MON2: variants seen among roughly 807,000 people sequenced by gnomAD.
MON2 encodes the protein protein MON2 homolog.
In MON2, 84 loss-of-function variants were observed where a neutral mutation model predicts 208.6. The observed-to-expected ratio is 0.40, with a 90% CI of 0.34 to 0.48. MON2 has a LOEUF of 0.48. Among genes scored for constraint, MON2 ranks in the 20% least tolerant of loss-of-function variants. The pLI is 0.59. For synonymous variants in MON2, 660 were observed against 694.0 expected, an observed-to-expected ratio of 0.95 and a Z score of 0.77; for missense variants, 1,611 against 2,015.4, an observed-to-expected ratio of 0.80 and a Z score of 3.84.
intron 1 of MON2, among the ~76,000 whole-genome samples, chr12:62,468,642 G>A (rs2068628585): frequency 6.6e-6 from 1 of 152,044 alleles, no homozygotes; most frequent in Admixed American, 6.6e-5. Flanking sequence ...TGGCTGTTAC[G>A]ATATGTTTTA....
chr12:62,479,456 G>C (rs997205695), intron 1 of MON2, among the ~76,000 whole-genome samples: 2 of 101,494 alleles, frequency 2.0e-5, no homozygotes, highest in East Asian at 4.1e-4. Context: ...AAATATTTTT[G>C]ATCTGCAGTT....
chr12:62,478,879 AG>A (rs1171623139), intron 1 of MON2, among the ~76,000 whole-genome samples: 1 of 152,158 alleles, frequency 6.6e-6, no homozygotes, highest in Non-Finnish European at 1.5e-5. Context: ...TTTGAGAAAA[AG>A]GTACAAGATA....
chr12:62,469,735 G>A (rs11832508), intron 1 of MON2, among the ~76,000 whole-genome samples: 102,322 of 151,882 alleles, frequency 0.67, 34,710 homozygotes, highest in African/African-American at 0.77. Context: ...GAAACTGGTA[G>A]GATTTTGGTT....
At chr12:62,523,718 T>G (rs966086302) in intron 8 of MON2, among the ~76,000 whole-genome samples, 1 of 152,162 alleles carries the variant, frequency 6.6e-6, no homozygotes, top group African/African-American at 2.4e-5. Flanking sequence ...TCCAATAACT[T>G]GCTGTACCTA....
chr12:62,580,224 A>G, intron 31 of MON2, 73 bp from the exon 32 acceptor site: 3 of 1,436,516 alleles, frequency 2.1e-6, no homozygotes, highest in Non-Finnish European at 2.8e-6. Flanking sequence ...GTAAAATTTA[A>G]ATTTTACTCT....
intron 8 of MON2, chr12:62,509,098 A>T (rs1248321378): frequency 1.3e-5 from 2 of 150,070 alleles, no homozygotes; most frequent in African/African-American, 4.9e-5. Flanking sequence ...ATTTTTTCAC[A>T]TTTATATTCT....
intron 12 of MON2, among the ~76,000 whole-genome samples, chr12:62,534,340 G>C (rs939095461): frequency 6.6e-6 from 1 of 150,766 alleles, no homozygotes; most frequent in Non-Finnish European, 1.5e-5. Context: ...CCAACATGGT[G>C]AAACCCTGTC....
At chr12:62,489,302 A>G (rs146005428) in intron 2 of MON2, among the ~76,000 whole-genome samples, 13 of 152,218 alleles carry the variant, frequency 8.5e-5, no homozygotes, top group African/African-American at 3.1e-4. Context: ...AATTAAATAG[A>G]CAAATGAATT....
intron 19 of MON2, among the ~76,000 whole-genome samples, chr12:62,542,560 C>A (rs2136262644): frequency 6.6e-6 from 1 of 152,262 alleles, no homozygotes; most frequent in East Asian, 1.9e-4. Context: ...TCTAATTTAG[C>A]CATGTATAAT....
At chr12:62,558,845 C>T (rs1472142650) in intron 25 of MON2, among the ~76,000 whole-genome samples, 2 of 151,886 alleles carry the variant, frequency 1.3e-5, no homozygotes, top group African/African-American at 2.4e-5. Flanking sequence ...TACAGGTGCC[C>T]ACCACCATGC....
At chr12:62,552,795 G>C in intron 23 of MON2, 86 bp from the exon 24 acceptor site, 1 of 1,005,220 alleles carries the variant, frequency 9.9e-7, no homozygotes, top group Admixed American at 2.5e-5. Context: ...GTTTTACTCT[G>C]AAAGGTAAAA....
chr12:62,556,226 A>G, intron 25 of MON2, 34 bp downstream of exon 25: 5 of 1,587,114 alleles, frequency 3.2e-6, no homozygotes, highest in Middle Eastern at 1.7e-4. Flanking sequence ...TATACAAGTA[A>G]TTAATGTTAA....
At chr12:62,497,625 C>CT (rs988936092) in intron 4 of MON2, among the ~76,000 whole-genome samples, 1 of 151,716 alleles carries the variant, frequency 6.6e-6, no homozygotes, top group Non-Finnish European at 1.5e-5. Flanking sequence ...CTTTTCTTTT[C>CT]TTTTTTTGAG....
intron 32 of MON2, among the ~76,000 whole-genome samples, chr12:62,583,999 A>G (rs561984287): frequency 6.6e-6 from 1 of 151,658 alleles, no homozygotes; most frequent in African/African-American, 2.4e-5. Flanking sequence ...AGACAGTGGA[A>G]TTCTCAGACG....
At chr12:62,538,793 T>TATAATATAATACATTTA (rs1297492794) in intron 19 of MON2, among the ~76,000 whole-genome samples, 1 of 151,926 alleles carries the variant, frequency 6.6e-6, no homozygotes, top group Non-Finnish European at 1.5e-5. Context: ...GTTTTATAGG[T>TATAATATAATACATTTA]TATATAAAAT....
chr12:62,524,377 C>A, intron 8 of MON2, 138 bp from the exon 9 acceptor site: 2 of 613,090 alleles, frequency 3.3e-6, no homozygotes, highest in Non-Finnish European at 2.8e-6. Flanking sequence ...TCTGTTTCTC[C>A]ACTCCCCATT....
intron 31 of MON2, among the ~76,000 whole-genome samples, chr12:62,579,849 ATAC>A (rs1203784234): frequency 1.3e-4 from 20 of 152,376 alleles, no homozygotes; most frequent in African/African-American, 4.8e-4. Flanking sequence ...GCAAAATAAC[ATAC>A]TACATGTTAG....
At position 62,530,970 on chromosome 12, in the gene MON2, TC is replaced by T. The variant is rs574182064; in HGVS notation, c.1401-1465del. ...TATCTTACCATGCTTTGATTTGCAT[TC>T]CCTAATTACTGGTGACAAGCATCTT... On this transcript the variant is annotated intron_variant, in intron 11 of 34. Transcript: ENST00000393630. 1.8e-3 allele frequency among the ~76,000 whole-genome samples: 274 copies of T among 152,340 alleles called. 1 individual carries two copies. Among genetic ancestry groups the T allele is most frequent in the African/African-American group, 6.2e-3 (256 of 41,582 alleles).
At chr12:62,543,655 T>G (rs1359943796) in intron 20 of MON2, among the ~76,000 whole-genome samples, 1 of 152,116 alleles carries the variant, frequency 6.6e-6, no homozygotes, top group African/African-American at 2.4e-5. Context: ...TCACCCAGGC[T>G]GGAGTGCAGT....
Sources: gnomAD v4.1 joint callset for allele counts (sites outside exome capture counted in the v4.1 genomes callset) on GRCh38, gnomAD v4.1.1 for gene constraint, MANE v1.5 for transcripts, NCBI Gene and HGNC (gene_info 2026-07-23, HGNC 2026-07-21) for gene names.